MILR1: variants seen among roughly 807,000 people sequenced by gnomAD.
The protein encoded by MILR1 is mast cell immunoglobulin like receptor 1.
In MILR1, 31 loss-of-function variants were observed where a neutral mutation model predicts 18.5. The ratio of observed to expected loss-of-function variants is 1.68; its 90% confidence interval spans 1.26 to 2.26. The LOEUF is 2.26. Among genes scored for constraint, MILR1 ranks in the 30% most tolerant of loss-of-function variants. The pLI, the probability that MILR1 is intolerant of heterozygous loss-of-function variation, is 0.00. For missense variants in MILR1, 257 were observed against 157.4 expected (o/e 1.63, Z -3.38); for synonymous variants, 85 against 56.2 (o/e 1.51, Z -2.30).
intron 2 of MILR1, among the ~76,000 whole-genome samples, chr17:64,452,082 G>GTTTTT (rs34558703): frequency 1.5e-5 from 2 of 137,192 alleles, no homozygotes. Flanking sequence ...TCCCAGCTAT[G>GTTTTT]TTTTTTTTTT....
At chr17:64,463,954 G>A (rs1219060169) in intron 5 of MILR1, among the ~76,000 whole-genome samples, 1 of 151,130 alleles carries the variant, frequency 6.6e-6, no homozygotes, top group East Asian at 2.0e-4. Context: ...ATCCTGAGTA[G>A]CTGGGATTAC....
the MILR1 span, chr17:64,497,130 G>T: frequency 1.4e-6 from 1 of 734,240 alleles, no homozygotes; most frequent in Non-Finnish European, 2.4e-6. Context: ...TCTGCGTTCC[G>T]GCCGCAGCCG....
At chr17:64,490,824 A>G in the MILR1 span, 9 of 1,613,482 alleles carry the variant, frequency 5.6e-6, no homozygotes, top group Non-Finnish European at 7.6e-6. Flanking sequence ...GCCAGGATAC[A>G]TGTGTAAAAG....
At chr17:64,493,383 C>T in the MILR1 span, among the ~76,000 whole-genome samples, 1 of 152,014 alleles carries the variant, frequency 6.6e-6, no homozygotes, top group African/African-American at 2.4e-5. Context: ...TGCCACTGTG[C>T]TCCAGCCTGG....
At chr17:64,489,337 G>A in the MILR1 span, among the ~76,000 whole-genome samples, 2 of 144,988 alleles carry the variant, frequency 1.4e-5, no homozygotes, top group African/African-American at 5.2e-5. Context: ...AAATCTAGAA[G>A]GAATGATGGA....
downstream of MILR1, among the ~76,000 whole-genome samples, chr17:64,471,368 G>A (rs2037684957): frequency 1.3e-5 from 2 of 152,016 alleles, no homozygotes; most frequent in South Asian, 2.1e-4. Context: ...GGTGTCCAAC[G>A]CTCACTGGTT....
At chr17:64,476,102 ACTCAGTGCTATT>A in the MILR1 span, among the ~76,000 whole-genome samples, 1 of 151,694 alleles carries the variant, frequency 6.6e-6, no homozygotes, top group Non-Finnish European at 1.5e-5. Flanking sequence ...CCACTGGCCA[ACTCAGTGCTATT>A]CTTATTTCAT....
downstream of MILR1, among the ~76,000 whole-genome samples, chr17:64,470,611 C>T (rs1247894470): frequency 1.3e-5 from 2 of 152,150 alleles, no homozygotes; most frequent in Middle Eastern, 3.2e-3. Context: ...CATCCCAAGG[C>T]CTACCCCGTC....
the MILR1 span, among the ~76,000 whole-genome samples, chr17:64,473,950 T>G: frequency 6.6e-6 from 1 of 152,208 alleles, no homozygotes; most frequent in African/African-American, 2.4e-5. Flanking sequence ...AGAGGTAAAT[T>G]TATTGTATGT....
chr17:64,485,820 C>T, the MILR1 span: 3 of 1,613,580 alleles, frequency 1.9e-6, no homozygotes, highest in Non-Finnish European at 1.7e-6. Flanking sequence ...TCTAGGTCCC[C>T]ATTTACAGAG....
chr17:64,492,223 G>A, the MILR1 span, among the ~76,000 whole-genome samples: 4 of 152,252 alleles, frequency 2.6e-5, no homozygotes, highest in African/African-American at 4.8e-5. Flanking sequence ...TGTTTGAGTC[G>A]GGAAATGGTA....
chr17:64,485,477 A>C, the MILR1 span: 3 of 483,762 alleles, frequency 6.2e-6, no homozygotes, highest in Non-Finnish European at 1.1e-5. Context: ...TAGGAGTCAT[A>C]GAGATAGCTG....
intron 5 of MILR1, among the ~76,000 whole-genome samples, chr17:64,464,651 G>A (rs2037508547): frequency 6.6e-6 from 1 of 152,178 alleles, no homozygotes; most frequent in South Asian, 2.1e-4. Flanking sequence ...ATAGAATTCA[G>A]TGAGGCTGGC....
chr17:64,454,878 A>G (rs1256125147), intron 3 of MILR1, among the ~76,000 whole-genome samples: 2 of 152,082 alleles, frequency 1.3e-5, no homozygotes, highest in Admixed American at 1.3e-4. Flanking sequence ...TGGCGTGCCT[A>G]TAGTGCCAAC....
chr17:64,494,904 T>C, the MILR1 span, among the ~76,000 whole-genome samples: 2 of 152,208 alleles, frequency 1.3e-5, no homozygotes, highest in African/African-American at 4.8e-5. Context: ...CCGGGCGCAG[T>C]GGCTCACGCC....
chr17:64,468,388 A>C lies in MILR1; in HGVS notation c.*107A>C. ...ACTTCAATCTCCATCTTCCCAGTTC[A>C]AGCGATTCTCATGCCTCGACCTCCC... On this transcript the variant is annotated 3_prime_UTR_variant, in exon 10 of 10. Coordinates refer to ENST00000619286, the MANE Select transcript of MILR1 (RefSeq NM_001085423.2). The C allele has an allele frequency of 2.3e-6, 1 of 436,750 alleles. No homozygotes were observed. The allele number at this position is 436,750 out of a possible 1,614,324, so 27.1% of individuals were successfully genotyped here. A position where few individuals can be genotyped will look rare whatever the true frequency, so the allele number is the denominator to read the frequency against.
At chr17:64,463,327 C>T (rs2037473167) in intron 5 of MILR1, among the ~76,000 whole-genome samples, 1 of 152,048 alleles carries the variant, frequency 6.6e-6, no homozygotes, top group African/African-American at 2.4e-5. Context: ...CTTTTCATTC[C>T]TCACGTCTTA....
At chr17:64,482,723 G>A in the MILR1 span, among the ~76,000 whole-genome samples, 1,013 of 152,280 alleles carry the variant, frequency 6.7e-3, 10 homozygotes, top group African/African-American at 0.023. Context: ...CAGAAAATCC[G>A]AAATCCAAAA....
chr17:64,488,547 G>GA, the MILR1 span, among the ~76,000 whole-genome samples: 4 of 151,188 alleles, frequency 2.6e-5, no homozygotes, highest in African/African-American at 7.3e-5. Context: ...TCATACAAAA[G>GA]AAAAAAAAGA....
Sources: allele counts gnomAD v4.1 joint callset (sites outside exome capture counted in the v4.1 genomes callset), GRCh38; gene constraint gnomAD v4.1.1; transcripts MANE v1.5; gene names NCBI Gene and HGNC (gene_info 2026-07-23, HGNC 2026-07-21).